The following ARID1B variants were observed in gnomAD, a reference collection of about 807,000 sequenced individuals.
The protein encoded by ARID1B is AT-rich interaction domain 1B, also known as AT-rich interactive domain-containing protein 1B.
A neutral mutation model predicts 212.3 loss-of-function variants in ARID1B; 30 were observed. The observed-to-expected ratio is 0.14, with a 90% CI of 0.11 to 0.19. The LOEUF is 0.19. Among genes scored for constraint, ARID1B ranks in the 10% least tolerant of loss-of-function variants. ARID1B has a pLI of 1.00. For synonymous variants in ARID1B, 1,402 were observed against 1,301.7 expected, an observed-to-expected ratio of 1.08 and a Z score of -1.66; for missense variants, 2,891 against 3,204.0, an observed-to-expected ratio of 0.90 and a Z score of 2.36.
chr6:156,807,736 C>G (rs1781273630), intron 1 of ARID1B, among the ~76,000 whole-genome samples: 1 of 152,114 alleles, frequency 6.6e-6, no homozygotes, highest in Non-Finnish European at 1.5e-5. Context: ...TGGATCACAC[C>G]ACAGTGGTTC....
chr6:156,871,052 G>C (rs1047145449), intron 2 of ARID1B, among the ~76,000 whole-genome samples: 2 of 152,146 alleles, frequency 1.3e-5, no homozygotes, highest in Non-Finnish European at 2.9e-5. Flanking sequence ...ATGTCAGTAA[G>C]TTCCGTAACT....
At chr6:157,198,044 A>G (rs891271439) in intron 16 of ARID1B, among the ~76,000 whole-genome samples, 2 of 152,238 alleles carry the variant, frequency 1.3e-5, no homozygotes, top group East Asian at 1.9e-4. Context: ...GATTTAGTAT[A>G]TTAAACCAAT....
intron 9 of ARID1B, chr6:157,173,204 T>C (rs564111222): frequency 2.0e-5 from 3 of 152,270 alleles, no homozygotes; most frequent in Non-Finnish European, 2.9e-5. Flanking sequence ...GTCTGCTGTA[T>C]CTGCAATGAA....
rs997005020 is a variant in ARID1B at position 156,900,358 on chromosome 6, T to C, written c.1987-1018T>C. Among the ~76,000 whole-genome samples, 6 of 152,226 alleles carry C rather than the reference T, an allele frequency of 3.9e-5. No individual in the cohort carries two copies. The East Asian group carries it at 7.7e-4, about 20-fold the overall frequency. ...TCTTAGAGGCTAAATGTTTTACTCT[T>C]TTCATCTTTTACCATTTCATCTTTT... On this transcript the variant is annotated intron_variant, in intron 2 of 19. Transcript: ENST00000636930.
At chr6:157,084,342 G>T (rs754421357) in intron 4 of ARID1B, among the ~76,000 whole-genome samples, 1 of 152,276 alleles carries the variant, frequency 6.6e-6, no homozygotes, top group Non-Finnish European at 1.5e-5. Context: ...ACCAGGCAGA[G>T]TGCTGTCTGT....
At chr6:157,067,534 G>A (rs1463586730) in intron 4 of ARID1B, among the ~76,000 whole-genome samples, 2 of 151,962 alleles carry the variant, frequency 1.3e-5, no homozygotes, top group East Asian at 1.9e-4. Flanking sequence ...TTTGCTTCTC[G>A]CGAAGGTTCC....
chr6:156,809,709 C>CAAAA (rs1365051229), intron 1 of ARID1B, among the ~76,000 whole-genome samples: 2 of 42,618 alleles, frequency 4.7e-5, no homozygotes, highest in African/African-American at 9.3e-5. Flanking sequence ...TTGCCTTTTT[C>CAAAA]AAAGAAAAAA....
chr6:157,051,824 T>C (rs879693604), intron 4 of ARID1B, among the ~76,000 whole-genome samples: 1 of 152,236 alleles, frequency 6.6e-6, no homozygotes, highest in Non-Finnish European at 1.5e-5. Flanking sequence ...AAAATAATTA[T>C]GGAGAGTGGT....
chr6:156,914,989 C>T (rs1790231341), intron 3 of ARID1B, among the ~76,000 whole-genome samples: 1 of 152,144 alleles, frequency 6.6e-6, no homozygotes. Context: ...TCCCCAGCAC[C>T]TAGGTCAATG....
At chr6:157,085,644 A>G (rs1022330438) in intron 5 of ARID1B, among the ~76,000 whole-genome samples, 11 of 152,216 alleles carry the variant, frequency 7.2e-5, no homozygotes, top group Non-Finnish European at 1.2e-4. Flanking sequence ...AATTCATTCT[A>G]TCCTTCCAAA....
intron 1 of ARID1B, among the ~76,000 whole-genome samples, chr6:156,819,391 C>T (rs1336586523): frequency 1.3e-5 from 2 of 152,076 alleles, no homozygotes; most frequent in African/African-American, 2.4e-5. Flanking sequence ...CCTTTTAGAT[C>T]TAACTTACTC....
chr6:156,949,779 A>G (rs1793443004), intron 4 of ARID1B, among the ~76,000 whole-genome samples: 1 of 152,252 alleles, frequency 6.6e-6, no homozygotes, highest in Admixed American at 6.5e-5. Context: ...ACAGAAGAAC[A>G]TAAAGAAGAG....
chr6:156,991,129 A>G (rs1279739744), intron 4 of ARID1B, among the ~76,000 whole-genome samples: 1 of 152,198 alleles, frequency 6.6e-6, no homozygotes, highest in East Asian at 1.9e-4. Context: ...GTTGGTACAC[A>G]TGGCAGAGAC....
chr6:157,134,457 A>G (rs1359038864), intron 7 of ARID1B, among the ~76,000 whole-genome samples: 1 of 152,216 alleles, frequency 6.6e-6, no homozygotes, highest in Admixed American at 6.5e-5. Flanking sequence ...AAACGTCTGT[A>G]TAGAGCCTCT....
intron 7 of ARID1B, chr6:157,140,903 C>T (rs540691327): frequency 5.3e-6 from 2 of 379,500 alleles, no homozygotes; most frequent in African/African-American, 2.1e-5. Flanking sequence ...CTCGTCACCT[C>T]ATGACATGTT....
At chr6:156,987,196 A>AGG (rs1777976481) in intron 4 of ARID1B, among the ~76,000 whole-genome samples, 1 of 141,726 alleles carries the variant, frequency 7.1e-6, no homozygotes, top group African/African-American at 2.6e-5. Context: ...AGAGAGAGAG[A>AGG]GACCCTGTCT....
chr6:157,007,745 CCCAAGA>C (rs1274446513), intron 4 of ARID1B, among the ~76,000 whole-genome samples: 6 of 129,372 alleles, frequency 4.6e-5, no homozygotes, highest in Non-Finnish European at 8.5e-5. Context: ...TTTTTTTTTC[CCCAAGA>C]CAGAGTCTCA....
intron 4 of ARID1B, among the ~76,000 whole-genome samples, chr6:156,972,110 T>C (rs1403460590): frequency 1.3e-5 from 2 of 152,206 alleles, no homozygotes; most frequent in East Asian, 1.9e-4. Context: ...AATGGTATAA[T>C]ACATAAAGGT....
At chr6:157,081,880 G>A (rs966080465) in intron 4 of ARID1B, among the ~76,000 whole-genome samples, 2 of 151,986 alleles carry the variant, frequency 1.3e-5, no homozygotes, top group Admixed American at 6.5e-5. Context: ...TCCTTTCTAC[G>A]TTTAACTTCA....
Sources: gnomAD v4.1 joint callset for allele counts (sites outside exome capture counted in the v4.1 genomes callset) on GRCh38, gnomAD v4.1.1 for gene constraint, MANE v1.5 for transcripts, NCBI Gene and HGNC (gene_info 2026-07-23, HGNC 2026-07-21) for gene names.